The following EPHB4 variants were observed in gnomAD, a reference collection of about 807,000 sequenced individuals.
EPHB4 encodes EPH receptor B4, also known as ephrin type-B receptor 4.
A neutral mutation model predicts 110.6 loss-of-function variants in EPHB4; 50 were observed. That is an observed-to-expected ratio of 0.45 (90% CI 0.36 to 0.57). The LOEUF (loss-of-function observed/expected upper bound fraction) is 0.57. EPHB4 is among the 20% of genes least tolerant of loss of function. The pLI is 0.00. For missense variants in EPHB4, 1,128 were observed against 1,382.1 expected (o/e 0.82, Z 2.91); for synonymous variants, 592 against 578.4 (o/e 1.02, Z -0.34).
rs370335830 is a variant in EPHB4 at position 100,827,045 on chromosome 7, C to A, written c.-15G>T. ...CGGAGCTCCATGGCGCCGCCTCACT[C>A]GGGTAGGATCCGAACTGAGTTTGGG... On this transcript the variant is annotated 5_prime_UTR_variant, in exon 1 of 17. Transcript: ENST00000358173. The A allele has an allele frequency of 5.7e-4, 903 of 1,574,998 alleles. 2 individuals are homozygous for A. The highest frequency in any genetic ancestry group is 5.6e-4 in the Non-Finnish European group (653 of 1,160,676).
At chr7:100,819,292 T>C (rs1813159499) in intron 6 of EPHB4, among the ~76,000 whole-genome samples, 1 of 101,368 alleles carries the variant, frequency 9.9e-6, no homozygotes, top group African/African-American at 3.1e-5. Flanking sequence ...TTTTTATTTT[T>C]TGTAGAGAGA....
chr7:100,813,213 G>T lies in EPHB4; in HGVS notation c.1757-5C>A, dbSNP rs1233360846. 2.4e-5 allele frequency: 39 copies of T among 1,597,276 alleles called. No homozygotes were observed. The highest frequency in any genetic ancestry group is 3.2e-5 in the Non-Finnish European group (38 of 1,177,392). ...GGTCGATGTAGACCTTAGTACCTGAGAAATCAGGCAGGGCCCCGTCAGCTG... is the reference window on the plus strand; with the variant it reads ...GGTCGATGTAGACCTTAGTACCTGATAAATCAGGCAGGGCCCCGTCAGCTG... On this transcript the variant is annotated splice_polypyrimidine_tract_variant and splice_region_variant and intron_variant, in intron 10 of 16. Transcript: ENST00000358173.
At chr7:100,813,839 G>A in intron 9 of EPHB4, 80 bp downstream of exon 9, 1 of 1,600,562 alleles carries the variant, frequency 6.2e-7, no homozygotes, top group South Asian at 1.1e-5. Flanking sequence ...GGGACAGCCA[G>A]AAAGGCTTGT....
At chr7:100,812,313 G>A (rs1488965095) in intron 12 of EPHB4, among the ~76,000 whole-genome samples, 1 of 152,120 alleles carries the variant, frequency 6.6e-6, no homozygotes, top group Non-Finnish European at 1.5e-5. Context: ...GGGCTGGCCA[G>A]GCGTGGTGCC....
At chr7:100,807,265 C>T (rs1812836686) in intron 13 of EPHB4, 100 bp downstream of exon 13, 3 of 1,266,758 alleles carry the variant, frequency 2.4e-6, no homozygotes, top group African/African-American at 1.5e-5. Flanking sequence ...GTATCCTCTC[C>T]CTGGAGCAGG....
intron 6 of EPHB4, 137 bp downstream of exon 6, chr7:100,819,416 CTCTT>C: frequency 2.1e-6 from 2 of 952,590 alleles, no homozygotes; most frequent in Admixed American, 5.1e-5. Flanking sequence ...AGCCATTGCC[CTCTT>C]TCTGCCTCTT....
In EPHB4 at chr7:100,803,304, C is replaced by A; in HGVS notation, c.*157G>T. On this transcript the variant is annotated 3_prime_UTR_variant, in exon 17 of 17. Transcript: ENST00000358173. Reference sequence around the variant, plus strand: ...GGGTGATTTTCCCCTCCTATTATGGCAGAACCCCCAAATCCTGTCTCTCCA... The same window carrying A: ...GGGTGATTTTCCCCTCCTATTATGGAAGAACCCCCAAATCCTGTCTCTCCA... The A allele has an allele frequency of 3.2e-6, 3 of 935,766 alleles. No homozygotes were observed. The highest frequency in any genetic ancestry group is 4.4e-6 in the Non-Finnish European group (3 of 687,768). 58.0% of individuals were successfully genotyped at this position (935,766 alleles called of 1,614,324 possible).
At chr7:100,806,898 G>A (rs1812829184) in intron 13 of EPHB4, among the ~76,000 whole-genome samples, 1 of 152,102 alleles carries the variant, frequency 6.6e-6, no homozygotes, top group Admixed American at 6.6e-5. Context: ...TCGAACTCCT[G>A]ACCTCAGGCG....
intron 5 of EPHB4, 50 bp from the exon 6 acceptor site, chr7:100,819,939 G>A (rs1209427094): frequency 6.0e-6 from 9 of 1,507,692 alleles, no homozygotes; most frequent in Non-Finnish European, 8.0e-6. Context: ...CTGCGGTGGT[G>A]GGGAGAGGGC....
Position 100,823,872 on chromosome 7 carries a change from A to G in EPHB4, c.183T>C (p.Cys61=), listed in dbSNP as rs1054991926. 6.2e-7 allele frequency: 1 copy of G among 1,611,704 alleles called. No individual in the cohort carries two copies. The highest frequency in any genetic ancestry group is 1.3e-5 in the African/African-American group (1 of 74,920). Reference sequence around the variant, plus strand: ...CCTGGCCCGGGGCACGCTGCACGTCACACACTTCGTAGGTGCGCACGCTGT... The same window carrying G: ...CCTGGCCCGGGGCACGCTGCACGTCGCACACTTCGTAGGTGCGCACGCTGT... ...EQHSVRTYEV[C]DVQRAPGQAH... is the part of the protein sequence containing the mutation. Residue 61 remains cysteine, a synonymous_variant, in exon 3 of 17, where the codon TGT becomes TGC. Coordinates refer to ENST00000358173, the MANE Select transcript of EPHB4 (RefSeq NM_004444.5).
At position 100,813,408 on chromosome 7, in the gene EPHB4, C is replaced by A. The variant is rs913671480; in HGVS notation, c.1757-200G>T. Reference sequence around the variant, plus strand: ...TTGGCTCACTGCAATCTCCGCCTCCCGGGTTAAAATGATTCTTCTGCCTCA... The same window carrying A: ...TTGGCTCACTGCAATCTCCGCCTCCAGGGTTAAAATGATTCTTCTGCCTCA... On this transcript the variant is annotated intron_variant, in intron 10 of 16. Coordinates refer to ENST00000358173, the MANE Select transcript of EPHB4 (RefSeq NM_004444.5). The A allele has an allele frequency of 7.6e-6, 5 of 653,988 alleles. No individual in the cohort carries two copies. In the Admixed American group the frequency reaches 1.5e-4, roughly 20 times the overall value. 40.5% of individuals were successfully genotyped at this position (653,988 alleles called of 1,614,324 possible).
At position 100,813,908 on chromosome 7, in the gene EPHB4, A is replaced by C; in HGVS notation, c.1691+11T>G. 1 of 1,613,890 alleles carries C rather than the reference A, an allele frequency of 6.2e-7. No homozygotes were observed. Among genetic ancestry groups the C allele is most frequent in the South Asian group, 1.1e-5 (1 of 91,066 alleles). Reference sequence around the variant, plus strand: ...GGGCTTCCAGGGGCCTCTGGGTGTCAGAGCCCTTACCTGAGGCAGAGAACT... The same window carrying C: ...GGGCTTCCAGGGGCCTCTGGGTGTCCGAGCCCTTACCTGAGGCAGAGAACT... On this transcript the variant is annotated intron_variant, in intron 9 of 16. Transcript: ENST00000358173.
chr7:100,823,488 A>C lies in EPHB4; in HGVS notation c.411+156T>G, dbSNP rs552210073. ...TATATTCTGCTCCTCCGCCCAGAAG[A>C]TCACCCCCTTCCCTCCCCAGACCTA... On this transcript the variant is annotated intron_variant, in intron 3 of 16. Transcript: ENST00000358173. Among the ~76,000 whole-genome samples the C allele has an allele frequency of 3.5e-3, 533 of 152,178 alleles. 3 individuals are homozygous for C. The highest frequency in any genetic ancestry group is 5.8e-3 in the Non-Finnish European group (393 of 67,982).
intron 16 of EPHB4, among the ~76,000 whole-genome samples, chr7:100,804,611 G>A (rs1035610085): frequency 8.5e-5 from 13 of 152,058 alleles, no homozygotes; most frequent in Non-Finnish European, 1.3e-4. Flanking sequence ...CACCATGCCC[G>A]GCCTTCAGAT....
At position 100,805,435 on chromosome 7, in the gene EPHB4, G is replaced by T. The variant is rs543778350; in HGVS notation, c.2678+66C>A. 137 of 1,557,466 alleles carry T rather than the reference G, an allele frequency of 8.8e-5. No individual in the cohort carries two copies. In the East Asian group the frequency reaches 3.1e-3, roughly 35 times the overall value. On this transcript the variant is annotated intron_variant, in intron 15 of 16. Transcript: ENST00000358173. ...GCCCTCCCACCCAACACCAATGAACGGACACTTCTGGGCAAGGAGTGGGGG... is the reference window on the plus strand; with the variant it reads ...GCCCTCCCACCCAACACCAATGAACTGACACTTCTGGGCAAGGAGTGGGGG...
intron 13 of EPHB4, 71 bp from the exon 14 acceptor site, chr7:100,806,640 C>T: frequency 6.6e-7 from 1 of 1,521,636 alleles, no homozygotes; most frequent in Non-Finnish European, 8.8e-7. Flanking sequence ...ACACTGCCCC[C>T]CAGTCCCCCA....
chr7:100,823,704 C>G lies in EPHB4; in HGVS notation c.351G>C (p.Glu117Asp), dbSNP rs767722877. Residue 117 changes from glutamate to aspartate, a missense_variant, in exon 3 of 17, where the codon GAG (glutamate) becomes GAC (aspartate). Transcript: ENST00000358173. ...CKETFTVFYYESDADTATALT... is the reference protein window; with the variant it reads ...CKETFTVFYYDSDADTATALT... Reference sequence around the variant, plus strand: ...GGGCCGTGGCCGTGTCCGCATCGCTCTCATAGTAGAAGACGGTGAAGGTCT... The same window carrying G: ...GGGCCGTGGCCGTGTCCGCATCGCTGTCATAGTAGAAGACGGTGAAGGTCT... 3 of 1,613,484 alleles carry G rather than the reference C, an allele frequency of 1.9e-6. No individual in the cohort carries two copies. Among genetic ancestry groups the G allele is most frequent in the Non-Finnish European group, 2.5e-6 (3 of 1,179,984 alleles).
chr7:100,824,224 T>C lies in EPHB4; in HGVS notation c.102A>G (p.Thr34=). The C allele has an allele frequency of 6.2e-7, 1 of 1,613,954 alleles. No individual in the cohort carries two copies. Among genetic ancestry groups the C allele is most frequent in the Non-Finnish European group, 8.5e-7 (1 of 1,179,962 alleles). Residue 34 remains threonine, a synonymous_variant, in exon 2 of 17, where the codon ACA becomes ACG. Coordinates refer to ENST00000358173, the MANE Select transcript of EPHB4 (RefSeq NM_004444.5). ...KLETADLKWV[T]FPQVDGQWEE... is the part of the protein sequence containing the mutation. The stretch of plus-strand genomic sequence containing the variant: ...TCACCTGCCCGTCCACCTGAGGGAA[T>C]GTCACCCACTTCAGATCAGCAGTTT...
rs772783851 is a variant in EPHB4, at chr7:100,807,361, T to C, written c.2334+4A>G. 1 of 1,613,242 alleles carries C rather than the reference T, an allele frequency of 6.2e-7. No individual in the cohort carries two copies. The highest frequency in any genetic ancestry group is 8.5e-7 in the Non-Finnish European group (1 of 1,179,742). ...CTCACACCCAGTATTACCCCCAGCA[T>C]TACCAGGGAGCTCGTGTAGGTGGGA... On this transcript the variant is annotated splice_donor_region_variant and intron_variant, in intron 13 of 16. Coordinates refer to ENST00000358173, the MANE Select transcript of EPHB4 (RefSeq NM_004444.5).
Sources: gnomAD v4.1 joint callset for allele counts (sites outside exome capture counted in the v4.1 genomes callset) on GRCh38, gnomAD v4.1.1 for gene constraint, MANE v1.5 for transcripts, NCBI Gene and HGNC (gene_info 2026-07-23, HGNC 2026-07-21) for gene names.